ZZEF1: variants seen among roughly 807,000 people sequenced by gnomAD.
The protein encoded by ZZEF1 is zinc finger ZZ-type and EF-hand domain-containing protein 1.
In ZZEF1, 157 loss-of-function variants were observed where a neutral mutation model predicts 342.8. The observed-to-expected ratio is 0.46, with a 90% CI of 0.40 to 0.52. The LOEUF is 0.52. Among genes scored for constraint, ZZEF1 ranks in the 20% least tolerant of loss-of-function variants. The pLI, the probability that ZZEF1 is intolerant of heterozygous loss-of-function variation, is 0.00. For synonymous variants in ZZEF1, 1,505 were observed against 1,429.1 expected, an observed-to-expected ratio of 1.05 and a Z score of -1.20; for missense variants, 3,480 against 3,725.6, an observed-to-expected ratio of 0.93 and a Z score of 1.72.
At position 4,008,463 on chromosome 17, in the gene ZZEF1, A is replaced by G; in HGVS notation, c.8805+420T>C. On this transcript the variant is annotated intron_variant, in intron 54 of 54. Coordinates refer to ENST00000381638, the MANE Select transcript of ZZEF1 (RefSeq NM_015113.4). The surrounding 1 kb of genome is among the most constrained non-coding windows in gnomAD (Gnocchi z 4.2). ...ACATATGGATATATGCATAATAGAC[A>G]TATCCAAAAGCTTTCTGAGCTCCTC... is the stretch of plus-strand genomic sequence containing the variant. 1 of 926,878 alleles carries G rather than the reference A, an allele frequency of 1.1e-6. No homozygotes were observed. The allele number at this position is 926,878 out of a possible 1,614,324, so 57.4% of individuals were successfully genotyped here.
chr17:4,105,579 G>T, intron 7 of ZZEF1, 114 bp downstream of exon 7: 1 of 857,170 alleles, frequency 1.2e-6, no homozygotes, highest in Non-Finnish European at 1.8e-6. Flanking sequence ...CTGCTAAAAA[G>T]CAACCATTTT....
rs1255169235 is a variant in ZZEF1 at position 4,077,868 on chromosome 17, T to C, written c.2989+15A>G. The C allele has an allele frequency of 1.2e-6, 2 of 1,611,676 alleles. No individual in the cohort carries two copies. The highest frequency in any genetic ancestry group is 4.5e-5 in the East Asian group (2 of 44,824). On this transcript the variant is annotated intron_variant, in intron 19 of 54. Transcript: ENST00000381638. ...AAACGCCATCTGTTTTCATGGATTT[T>C]ATATTGAAACTCACATTTTTCAATA... is the stretch of plus-strand genomic sequence containing the variant.
chr17:4,041,894 A>C (rs1017943007), intron 39 of ZZEF1, among the ~76,000 whole-genome samples: 2 of 152,122 alleles, frequency 1.3e-5, no homozygotes, highest in Non-Finnish European at 1.5e-5. Flanking sequence ...TAAAAAAAAA[A>C]CCTGTAAGGG....
In ZZEF1 at chr17:4,013,589, C is replaced by T. The variant is rs376438465; in HGVS notation, c.8439G>A (p.Leu2813=). ...GATGAGGCACGACCCTTTCTTCTGA[C>T]AACATCTGCTTCAAAATCTCGAATC... ...QTGFEILKQM[L]SEERVVPHLP... is the part of the protein sequence containing the mutation. The change falls in exon 52 of 55, where the codon TTG becomes TTA. Residue 2813 remains leucine (L), a synonymous_variant. Transcript: ENST00000381638. 1 of 1,613,118 alleles carries T rather than the reference C, an allele frequency of 6.2e-7. No individual in the cohort carries two copies. The highest frequency in any genetic ancestry group is 1.3e-5 in the African/African-American group (1 of 74,890).
intron 2 of ZZEF1, among the ~76,000 whole-genome samples, chr17:4,122,989 G>A (rs547403347): frequency 3.5e-5 from 5 of 144,650 alleles, no homozygotes; most frequent in East Asian, 2.1e-4. Context: ...GTGCGATCTC[G>A]GCTCACTGCA....
At chr17:4,106,052 C>A (rs2058207888) in intron 6 of ZZEF1, among the ~76,000 whole-genome samples, 1 of 152,128 alleles carries the variant, frequency 6.6e-6, no homozygotes, top group South Asian at 2.1e-4. Context: ...CAGGTTCAAG[C>A]GATTCTCCTG....
intron 9 of ZZEF1, among the ~76,000 whole-genome samples, chr17:4,099,650 A>G (rs2058093967): frequency 6.6e-6 from 1 of 151,752 alleles, no homozygotes; most frequent in Non-Finnish European, 1.5e-5. Flanking sequence ...GGTTCAAGCA[A>G]TTCTCCTGCC....
At chr17:4,074,988 A>C in intron 23 of ZZEF1, 109 bp downstream of exon 23, 1 of 1,084,626 alleles carries the variant, frequency 9.2e-7, no homozygotes, top group Non-Finnish European at 1.4e-6. Flanking sequence ...ACAAACGTGT[A>C]ACATAAATGC....
intron 43 of ZZEF1, 69 bp downstream of exon 43, chr17:4,024,850 C>T: frequency 6.9e-7 from 1 of 1,443,104 alleles, no homozygotes. Flanking sequence ...GCATTTCCTC[C>T]TAGTTAATCC....
In ZZEF1 at chr17:4,107,988, C is replaced by T. The variant is rs116094518; in HGVS notation, c.1277+1665G>A. Among the ~76,000 whole-genome samples, 1,290 of 152,216 alleles carry T rather than the reference C, an allele frequency of 8.5e-3. 16 individuals carry two copies. The highest frequency in any genetic ancestry group is 0.03 in the African/African-American group (1,231 of 41,540). On this transcript the variant is annotated intron_variant, in intron 6 of 54. Transcript: ENST00000381638. ...ACAAGCCAGACTGCAGGGGTTGCCA[C>T]CAGCCAACTCCAGGATAACATAAGC...
intron 52 of ZZEF1, among the ~76,000 whole-genome samples, chr17:4,011,917 T>TTG (rs1567757887): frequency 6.6e-6 from 1 of 152,176 alleles, no homozygotes; most frequent in Admixed American, 6.5e-5. Flanking sequence ...GGACTGCCCC[T>TTG]TGTGTGTGGC....
Position 4,006,562 on chromosome 17 carries a change from G to C in ZZEF1, c.*328C>G. ...CGGAGACAGAAACCAGTTGAGAGAG[G>C]CCGCTTCCAAGTCTTCCCAGGCCCA... On this transcript the variant is annotated 3_prime_UTR_variant, in exon 55 of 55. Transcript: ENST00000381638. 2.8e-6 allele frequency: 1 copy of C among 361,148 alleles called. No homozygotes were observed. The highest frequency in any genetic ancestry group is 5.2e-6 in the Non-Finnish European group (1 of 192,298). The allele number at this position is 361,148 out of a possible 1,614,324, so 22.4% of individuals were successfully genotyped here.
rs2055807779 is a variant in ZZEF1 at position 4,006,675 on chromosome 17, C to T, written c.*215G>A. The T allele has an allele frequency of 3.2e-6, 2 of 619,256 alleles. No homozygotes were observed. Among genetic ancestry groups the T allele is most frequent in the African/African-American group, 1.8e-5 (1 of 54,854 alleles). 38.4% of individuals were successfully genotyped at this position (619,256 alleles called of 1,614,324 possible). A position where few individuals can be genotyped will look rare whatever the true frequency, so the allele number is the denominator to read the frequency against. ...CCCACCCTTTCTGAGGCATTCTGCA[C>T]TGCTTGGCTTATTTTCACCATGCTA... On this transcript the variant is annotated 3_prime_UTR_variant, in exon 55 of 55. Coordinates refer to ENST00000381638, the MANE Select transcript of ZZEF1 (RefSeq NM_015113.4).
chr17:4,052,874 C>CG (rs566970525), intron 34 of ZZEF1, among the ~76,000 whole-genome samples: 3,201 of 101,112 alleles, frequency 0.032, 152 homozygotes, highest in African/African-American at 0.13. Flanking sequence ...CTCGGGAGGG[C>CG]GGCGGGGGAG....
chr17:4,086,830 T>C (rs747240575), intron 14 of ZZEF1, among the ~76,000 whole-genome samples, 175 bp from the exon 15 acceptor site: 1 of 152,188 alleles, frequency 6.6e-6, no homozygotes, highest in East Asian at 1.9e-4. Flanking sequence ...GTACTAAATG[T>C]CTGGAAACAG....
intron 32 of ZZEF1, among the ~76,000 whole-genome samples, chr17:4,057,468 G>A (rs1288872850): frequency 4.6e-5 from 7 of 152,134 alleles, no homozygotes; most frequent in Admixed American, 4.6e-4. Context: ...TAGGGAAGTG[G>A]ATTTGAGTAG....
intron 19 of ZZEF1, among the ~76,000 whole-genome samples, chr17:4,077,201 T>C (rs554158819): frequency 1.3e-5 from 2 of 152,116 alleles, no homozygotes; most frequent in Non-Finnish European, 2.9e-5. Context: ...AAGGGATTTT[T>C]TTTTGTCTTT....
chr17:4,009,119 G>A (rs1382067483), intron 53 of ZZEF1, 165 bp from the exon 54 acceptor site: 6 of 846,364 alleles, frequency 7.1e-6, no homozygotes, highest in Non-Finnish European at 3.6e-6. Flanking sequence ...ACCCTGGCGG[G>A]AGCCAGGTGC....
At chr17:4,126,293 C>A (rs1372502715) in intron 1 of ZZEF1, among the ~76,000 whole-genome samples, 2 of 151,144 alleles carry the variant, frequency 1.3e-5, no homozygotes, top group Non-Finnish European at 2.9e-5. Flanking sequence ...TCCCTCAAGG[C>A]TTCAGAGCAG....
Sources: allele counts gnomAD v4.1 joint callset (sites outside exome capture counted in the v4.1 genomes callset), GRCh38; gene constraint gnomAD v4.1.1; non-coding constraint Gnocchi (gnomAD v3.1); transcripts MANE v1.5; gene names NCBI Gene and HGNC (gene_info 2026-07-23, HGNC 2026-07-21).